The following CNTN3 variants were observed in gnomAD, a reference collection of about 807,000 sequenced individuals.
CNTN3 encodes the protein contactin-3.
CNTN3 carries 60 observed loss-of-function variants against 119.1 expected under a neutral mutation model. That is an observed-to-expected ratio of 0.50 (90% CI 0.41 to 0.62). CNTN3 has a LOEUF of 0.62. CNTN3 is among the 20% of genes least tolerant of loss of function. The pLI is 0.00. For missense variants in CNTN3, 1,101 were observed against 1,242.4 expected (o/e 0.89, Z 1.71); for synonymous variants, 450 against 438.7 (o/e 1.03, Z -0.32).
chr3:74,279,652 G>T (rs762726046), intron 20 of CNTN3, among the ~76,000 whole-genome samples: 2 of 148,258 alleles, frequency 1.3e-5, no homozygotes, highest in East Asian at 2.1e-4. Context: ...AGGTTGGGAG[G>T]GGGGCAAGGG....
chr3:74,507,907 T>C (rs1575793504), intron 2 of CNTN3, among the ~76,000 whole-genome samples: 1 of 152,148 alleles, frequency 6.6e-6, no homozygotes, highest in Admixed American at 6.5e-5. Context: ...GCTAGGATTA[T>C]AGGCATGAGC....
At chr3:74,604,083 T>C (rs950689934) in intron 1 of CNTN3, among the ~76,000 whole-genome samples, 3 of 152,172 alleles carry the variant, frequency 2.0e-5, no homozygotes, top group Non-Finnish European at 2.9e-5. Context: ...GTCTCTTCAA[T>C]ACATGGTGTT....
intron 1 of CNTN3, among the ~76,000 whole-genome samples, chr3:74,610,360 T>A (rs370042678): frequency 5.3e-5 from 8 of 149,856 alleles, no homozygotes; most frequent in African/African-American, 2.0e-4. Flanking sequence ...TGTGAGTTTG[T>A]GTGTGTGCAC....
chr3:74,298,033 T>C lies in CNTN3; in HGVS notation c.2325A>G (p.Glu775=), dbSNP rs773813217. The change falls in exon 18 of 23, where the codon GAA becomes GAG. Residue 775 remains glutamate, a synonymous_variant. Transcript: ENST00000263665. ...TGTTATTATAAACACCCACTTTAAC[T>C]TCATATGGTGAATATGGCACGATGC... ...NESIVPYSPY[E]VKVGVYNNKG... The C allele has an allele frequency of 1.2e-6, 2 of 1,614,104 alleles. No individual in the cohort carries two copies. Among genetic ancestry groups the C allele is most frequent in the East Asian group, 4.5e-5 (2 of 44,870 alleles).
chr3:74,273,026 G>A (rs960764768), intron 20 of CNTN3, among the ~76,000 whole-genome samples: 13 of 151,988 alleles, frequency 8.6e-5, no homozygotes, highest in Non-Finnish European at 1.6e-4. Flanking sequence ...TAATAGAAAA[G>A]GTTGGAAAAA....
intron 11 of CNTN3, among the ~76,000 whole-genome samples, chr3:74,349,570 AC>A (rs1703768432): frequency 6.6e-6 from 1 of 151,992 alleles, no homozygotes; most frequent in South Asian, 2.1e-4. Context: ...TGATATATGA[AC>A]TCTTGTACTG....
intron 18 of CNTN3, among the ~76,000 whole-genome samples, chr3:74,295,625 G>A (rs1487169159): frequency 6.6e-6 from 1 of 152,048 alleles, no homozygotes; most frequent in Non-Finnish European, 1.5e-5. Flanking sequence ...GCCAAACAAA[G>A]GTCTAGGTTA....
At chr3:74,352,128 G>A (rs910719295) in intron 11 of CNTN3, among the ~76,000 whole-genome samples, 4 of 152,106 alleles carry the variant, frequency 2.6e-5, no homozygotes, top group Non-Finnish European at 4.4e-5. Context: ...TTATTTTCAC[G>A]ATCATATGTG....
chr3:74,441,327 A>C (rs535019947), intron 4 of CNTN3, among the ~76,000 whole-genome samples: 1 of 152,294 alleles, frequency 6.6e-6, no homozygotes, highest in South Asian at 2.1e-4. Context: ...TTTCCATGGA[A>C]ACATCGCTAT....
chr3:74,571,222 T>C (rs182474521), intron 1 of CNTN3, among the ~76,000 whole-genome samples: 107 of 152,312 alleles, frequency 7.0e-4, no homozygotes, highest in Non-Finnish European at 1.1e-3. Context: ...CTGCACATCA[T>C]AAGCATCACC....
At chr3:74,298,331 G>T in intron 17 of CNTN3, 140 bp from the exon 18 acceptor site, 1 of 484,826 alleles carries the variant, frequency 2.1e-6, no homozygotes, top group African/African-American at 2.0e-5. Context: ...ATGAAAAAAG[G>T]AGAAAAACAT....
At chr3:74,480,324 T>C (rs572733437) in intron 4 of CNTN3, among the ~76,000 whole-genome samples, 2 of 152,132 alleles carry the variant, frequency 1.3e-5, no homozygotes, top group Non-Finnish European at 2.9e-5. Flanking sequence ...TGAAATGCAG[T>C]GTGCATTTGA....
chr3:74,344,888 CACACAA>C (rs1418073996), intron 11 of CNTN3, among the ~76,000 whole-genome samples: 4 of 150,056 alleles, frequency 2.7e-5, no homozygotes, highest in African/African-American at 1.0e-4. Context: ...CACACACACA[CACACAA>C]ACAATAACAG....
At chr3:74,433,915 A>G (rs182125247) in intron 4 of CNTN3, among the ~76,000 whole-genome samples, 3 of 152,132 alleles carry the variant, frequency 2.0e-5, no homozygotes, top group Non-Finnish European at 4.4e-5. Flanking sequence ...CCAGGATTAG[A>G]GCCTTGTCAT....
intron 11 of CNTN3, among the ~76,000 whole-genome samples, chr3:74,337,645 A>G (rs989406274): frequency 6.6e-6 from 1 of 152,120 alleles, no homozygotes; most frequent in East Asian, 1.9e-4. Flanking sequence ...CCACAAGAAC[A>G]GTATGGGGAA....
At chr3:74,356,635 T>C (rs1703941110) in intron 11 of CNTN3, among the ~76,000 whole-genome samples, 1 of 152,134 alleles carries the variant, frequency 6.6e-6, no homozygotes, top group Non-Finnish European at 1.5e-5. Context: ...TCAAGGTATT[T>C]TCAAGTGTGA....
intron 1 of CNTN3, among the ~76,000 whole-genome samples, chr3:74,553,868 G>A (rs528476049): frequency 6.6e-6 from 1 of 152,210 alleles, no homozygotes; most frequent in South Asian, 2.1e-4. Flanking sequence ...TCTGTAGGTT[G>A]CCTATTCATT....
intron 2 of CNTN3, among the ~76,000 whole-genome samples, chr3:74,519,462 T>C (rs139819988): frequency 1.7e-3 from 258 of 151,950 alleles, no homozygotes; most frequent in African/African-American, 5.6e-3. Context: ...GTGAAACCTT[T>C]TAAAAGCTGA....
At chr3:74,527,236 G>A (rs1703633066) in intron 1 of CNTN3, among the ~76,000 whole-genome samples, 1 of 151,870 alleles carries the variant, frequency 6.6e-6, no homozygotes, top group Non-Finnish European at 1.5e-5. Context: ...TATTCCTGAG[G>A]TTACTGTTGA....
Sources: allele counts gnomAD v4.1 joint callset (sites outside exome capture counted in the v4.1 genomes callset), GRCh38; gene constraint gnomAD v4.1.1; transcripts MANE v1.5; gene names NCBI Gene and HGNC (gene_info 2026-07-23, HGNC 2026-07-21).